The following AGBL1 variants were observed in gnomAD, a reference collection of about 807,000 sequenced individuals.
The protein encoded by AGBL1 is AGBL carboxypeptidase 1, also known as cytosolic carboxypeptidase 4.
In AGBL1, 130 loss-of-function variants were observed where a neutral mutation model predicts 118.9. The observed-to-expected ratio is 1.09, with a 90% CI of 0.95 to 1.26. The LOEUF (loss-of-function observed/expected upper bound fraction) is 1.26. Ranked by LOEUF, AGBL1 falls within the 50% of genes most tolerant of loss-of-function variation. AGBL1 has a pLI of 0.00. For missense variants in AGBL1, 1,584 were observed against 1,298.1 expected, an observed-to-expected ratio of 1.22 and a Z score of -3.38; for synonymous variants, 555 against 478.9, an observed-to-expected ratio of 1.16 and a Z score of -2.08.
intron 21 of AGBL1, among the ~76,000 whole-genome samples, chr15:86,631,419 A>T (rs1241120963): frequency 6.6e-6 from 1 of 152,222 alleles, no homozygotes; most frequent in Non-Finnish European, 1.5e-5. Context: ...AGTCAAAGAT[A>T]AAGGAACTCA....
intron 23 of AGBL1, among the ~76,000 whole-genome samples, chr15:86,925,429 T>C (rs1285159186): frequency 6.6e-6 from 1 of 152,154 alleles, no homozygotes; most frequent in East Asian, 1.9e-4. Context: ...GAAGAAGCAT[T>C]AGTTTCCTTC....
chr15:86,506,956 G>A (rs1596201314), intron 18 of AGBL1, among the ~76,000 whole-genome samples: 1 of 151,904 alleles, frequency 6.6e-6, no homozygotes, highest in African/African-American at 2.4e-5. Context: ...ATATATAAAA[G>A]TCATATTGCC....
At chr15:86,291,223 G>C (rs903929030) in intron 16 of AGBL1, among the ~76,000 whole-genome samples, 1 of 152,124 alleles carries the variant, frequency 6.6e-6, no homozygotes, top group Non-Finnish European at 1.5e-5. Flanking sequence ...AACTTGGTTG[G>C]ATATAGGTTT....
intron 5 of AGBL1, among the ~76,000 whole-genome samples, chr15:86,174,861 A>G (rs748571662): frequency 6.6e-6 from 1 of 151,772 alleles, no homozygotes; most frequent in Non-Finnish European, 1.5e-5. Flanking sequence ...TGATCATGGT[A>G]TATTATCTTT....
intron 3 of AGBL1, among the ~76,000 whole-genome samples, chr15:86,149,340 A>G (rs1289292364): frequency 2.0e-5 from 3 of 152,214 alleles, no homozygotes; most frequent in African/African-American, 7.2e-5. Flanking sequence ...GGCAAATTGG[A>G]TAAAGAGTCA....
chr15:86,297,591 G>A (rs1163469166), intron 17 of AGBL1, among the ~76,000 whole-genome samples: 20 of 152,126 alleles, frequency 1.3e-4, no homozygotes, highest in Admixed American at 1.3e-3. Flanking sequence ...GTGCCTTTCT[G>A]ATACTACTCT....
At chr15:86,858,670 A>G (rs1417282102) in intron 22 of AGBL1, among the ~76,000 whole-genome samples, 1 of 152,164 alleles carries the variant, frequency 6.6e-6, no homozygotes. Flanking sequence ...CTCAGGAGGG[A>G]GTTGGGGTAA....
intron 22 of AGBL1, among the ~76,000 whole-genome samples, chr15:86,853,639 A>G (rs1443365732): frequency 6.6e-6 from 1 of 152,206 alleles, no homozygotes; most frequent in Non-Finnish European, 1.5e-5. Flanking sequence ...TTGAAATACA[A>G]TTTACATACC....
rs372437621 is a variant in AGBL1 at position 86,148,134 on chromosome 15, G to C, written c.262+4289G>C. Among the ~76,000 whole-genome samples, 3 of 152,194 alleles carry C rather than the reference G, an allele frequency of 2.0e-5. No homozygotes were observed. In the East Asian group the frequency reaches 5.8e-4, roughly 29 times the overall value. On this transcript the variant is annotated intron_variant, in intron 3 of 22. Transcript: ENST00000614907. ...AAAACCTCATCTGTAGATCACCAAC[G>C]TCAAAGACCAAAGGTAGATAAAATC... is the stretch of plus-strand genomic sequence containing the variant.
rs370030898 is a variant in AGBL1, at chr15:86,264,333, G to T, written c.1162G>T (p.Ala388Ser). Reference sequence around the variant, plus strand: ...TGCCAATCACCACCACATTCCAGCCGCTGCCTCCTCAAAACAGCATTGCTA... The same window carrying T: ...TGCCAATCACCACCACATTCCAGCCTCTGCCTCCTCAAAACAGCATTGCTA... ...QYANHHHIPA[A>S]ASSKQHCYSK... is the part of the protein sequence containing the mutation. Residue 388 changes from alanine (A) to serine (S), a missense_variant, in exon 11 of 23, where the codon GCT becomes TCT. Coordinates refer to ENST00000614907, the MANE Select transcript of AGBL1 (RefSeq NM_001386094.1). 2.5e-6 allele frequency: 4 copies of T among 1,612,196 alleles called. No individual in the cohort carries two copies. Among genetic ancestry groups the T allele is most frequent in the South Asian group, 1.1e-5 (1 of 90,652 alleles).
chr15:86,554,527 G>A lies in AGBL1; in HGVS notation c.2984G>A (p.Gly995Asp). ...MESSYCGCNQ[G>D]PYQGLQFGTR... The stretch of plus-strand genomic sequence containing the variant: ...AGCAGCTACTGTGGCTGCAACCAGG[G>A]CCCTTATCAGGTATGTGAGGCTGCA... Residue 995 changes from glycine (G) to aspartate (D), a missense_variant, in exon 21 of 23, where the codon GGC (glycine) becomes GAC (aspartate). Physicochemically the swap from Gly to Asp is moderately conservative, Grantham distance 94 (BLOSUM62 -1). Transcript: ENST00000614907. 6.5e-7 allele frequency: 1 copy of A among 1,531,026 alleles called. No homozygotes were observed. Among genetic ancestry groups the A allele is most frequent in the Non-Finnish European group, 8.8e-7 (1 of 1,141,906 alleles). The allele number at this position is 1,531,026 out of a possible 1,614,324, so 94.8% of individuals were successfully genotyped here.
At chr15:86,494,608 C>A (rs193054519) in intron 18 of AGBL1, among the ~76,000 whole-genome samples, 62 of 152,128 alleles carry the variant, frequency 4.1e-4, no homozygotes, top group Admixed American at 1.5e-3. Flanking sequence ...TATCACCTAC[C>A]GATCAGGCTC....
chr15:86,186,458 G>A (rs2077634964), intron 5 of AGBL1, among the ~76,000 whole-genome samples: 1 of 152,192 alleles, frequency 6.6e-6, no homozygotes, highest in Non-Finnish European at 1.5e-5. Context: ...CGTGAACAAT[G>A]GAGAAATCAA....
chr15:86,684,372 G>A (rs2086015193), intron 22 of AGBL1, among the ~76,000 whole-genome samples: 1 of 151,940 alleles, frequency 6.6e-6, no homozygotes, highest in Non-Finnish European at 1.5e-5. Context: ...ACATTCTACT[G>A]TACCCAAGAT....
At chr15:86,371,142 G>C (rs1259804730) in intron 17 of AGBL1, among the ~76,000 whole-genome samples, 1 of 152,228 alleles carries the variant, frequency 6.6e-6, no homozygotes, top group Non-Finnish European at 1.5e-5. Flanking sequence ...GAAGGGGCTA[G>C]CTGAAGAGGT....
intron 18 of AGBL1, among the ~76,000 whole-genome samples, chr15:86,460,308 C>A (rs2082316183): frequency 8.5e-6 from 1 of 117,516 alleles, no homozygotes; most frequent in Non-Finnish European, 1.7e-5. Context: ...ATAGAAAGAC[C>A]CTATCTCTAC....
At chr15:86,775,791 T>C (rs2141296905) in intron 22 of AGBL1, among the ~76,000 whole-genome samples, 1 of 152,218 alleles carries the variant, frequency 6.6e-6, no homozygotes, top group South Asian at 2.1e-4. Flanking sequence ...TTCAAACACA[T>C]AAAAACATTT....
chr15:86,932,325 T>C (rs1431356706), intron 23 of AGBL1, among the ~76,000 whole-genome samples: 1 of 152,212 alleles, frequency 6.6e-6, no homozygotes, highest in Non-Finnish European at 1.5e-5. Flanking sequence ...TTAGGCTCTG[T>C]CAACACATTT....
chr15:86,473,901 G>A (rs1443764103), intron 18 of AGBL1, among the ~76,000 whole-genome samples: 2 of 152,070 alleles, frequency 1.3e-5, no homozygotes, highest in African/African-American at 2.4e-5. Flanking sequence ...ATTTTCCTTT[G>A]GAAAATTGTG....
Sources: gnomAD v4.1 joint callset for allele counts (sites outside exome capture counted in the v4.1 genomes callset) on GRCh38, gnomAD v4.1.1 for gene constraint, MANE v1.5 for transcripts, NCBI Gene and HGNC (gene_info 2026-07-23, HGNC 2026-07-21) for gene names.